TRAF3IP2: variants seen among roughly 807,000 people sequenced by gnomAD.
The protein encoded by TRAF3IP2 is E3 ubiquitin ligase TRAF3IP2.
Under a neutral mutation model 57.9 loss-of-function variants are expected in TRAF3IP2, and 35 were observed. The ratio of observed to expected loss-of-function variants is 0.60; its 90% CI spans 0.46 to 0.80. The LOEUF (loss-of-function observed/expected upper bound fraction) is 0.80, where lower values mean the gene tolerates loss of function less well. Among genes scored for constraint, TRAF3IP2 ranks in the 30% least tolerant of loss-of-function variants. TRAF3IP2 has a pLI of 0.00. For missense variants in TRAF3IP2, 556 were observed against 706.4 expected, an observed-to-expected ratio of 0.79 and a Z score of 2.41; for synonymous variants, 251 against 268.9, an observed-to-expected ratio of 0.93 and a Z score of 0.65.
At chr6:111,602,305 G>GT (rs146432308) in intron 1 of TRAF3IP2, 30,834 of 142,642 alleles carry the variant, frequency 0.22, 3,327 homozygotes, top group Middle Eastern at 0.31. Flanking sequence ...ACCAGCCCAT[G>GT]TTTTTTTTTT....
At chr6:111,567,044 C>T in intron 6 of TRAF3IP2, 1 of 331,216 alleles carries the variant, frequency 3.0e-6, no homozygotes, top group Non-Finnish European at 4.5e-6. Flanking sequence ...AGGAAAAGTG[C>T]AACACCCCAG....
At chr6:111,567,063 G>A (rs1414420145) in intron 6 of TRAF3IP2, 1 of 468,622 alleles carries the variant, frequency 2.1e-6, no homozygotes, top group Non-Finnish European at 2.8e-6. Context: ...AGCCTGCTGA[G>A]ACTCCCGTCC....
At chr6:111,561,740 T>C (rs931114167) in intron 8 of TRAF3IP2, among the ~76,000 whole-genome samples, 2 of 152,110 alleles carry the variant, frequency 1.3e-5, no homozygotes, top group South Asian at 2.1e-4. Context: ...TTGTAGTCAA[T>C]GGGAAAACGG....
intron 3 of TRAF3IP2, among the ~76,000 whole-genome samples, chr6:111,579,703 G>A (rs1345095837): frequency 6.6e-6 from 1 of 152,202 alleles, no homozygotes; most frequent in Non-Finnish European, 1.5e-5. Flanking sequence ...CTGCACTCCA[G>A]CCTGGGTGAC....
chr6:111,603,459 T>C (rs918202730), intron 1 of TRAF3IP2, among the ~76,000 whole-genome samples: 2 of 152,246 alleles, frequency 1.3e-5, no homozygotes, highest in Non-Finnish European at 2.9e-5. Context: ...CTTTTTTTTC[T>C]GCAGCAGTTG....
intron 1 of TRAF3IP2, chr6:111,597,876 C>A (rs766847191): frequency 4.4e-6 from 2 of 455,848 alleles, no homozygotes; most frequent in African/African-American, 2.0e-5. Flanking sequence ...TCTGGCATGA[C>A]CTTTGCTCCA....
Position 111,559,405 on chromosome 6 carries a change from T to C in TRAF3IP2, c.1698A>G (p.Ter566TrpextTer8). 6.2e-7 allele frequency: 1 copy of C among 1,613,072 alleles called. No individual in the cohort carries two copies. The highest frequency in any genetic ancestry group is 2.2e-5 in the East Asian group (1 of 44,886). Residue 566 changes from the stop codon to tryptophan (W), a stop_lost, in exon 9 of 9, where the codon TGA becomes TGG. Transcript: ENST00000368761. ...PLPTLQVVPL[*>W] ...CTCAGTGATCTGGGGATGAACGGTG[T>C]CACAAGGGAACCACCTGAAGGGTGG...
intron 5 of TRAF3IP2, among the ~76,000 whole-genome samples, chr6:111,570,677 T>C (rs1331562956): frequency 6.6e-6 from 1 of 152,226 alleles, no homozygotes; most frequent in Non-Finnish European, 1.5e-5. Context: ...AATCAGTATG[T>C]GTCTTTGGAA....
chr6:111,575,081 G>A (rs1184433979), intron 4 of TRAF3IP2, among the ~76,000 whole-genome samples: 1 of 151,916 alleles, frequency 6.6e-6, no homozygotes, highest in Admixed American at 6.6e-5. Flanking sequence ...CAAATTAGCT[G>A]GTTGTGGTGG....
rs530710785 is a variant in TRAF3IP2, at chr6:111,566,881, C to T, written c.1360-321G>A. 2.2e-4 allele frequency: 85 copies of T among 385,548 alleles called. 1 individual carries two copies. Among genetic ancestry groups the T allele is most frequent in the Middle Eastern group, 1.7e-3 (2 of 1,186 alleles). The allele number at this position is 385,548 out of a possible 1,614,324, so 23.9% of individuals were successfully genotyped here. Reference sequence around the variant, plus strand: ...TCTGTGTCGTGGCAAAAAGGCACTGCAACACCAACAGTAAGAAGCACCCTC... The same window carrying T: ...TCTGTGTCGTGGCAAAAAGGCACTGTAACACCAACAGTAAGAAGCACCCTC... On this transcript the variant is annotated intron_variant, in intron 6 of 8. Transcript: ENST00000368761.
At chr6:111,594,253 C>G (rs1796613029) in intron 1 of TRAF3IP2, among the ~76,000 whole-genome samples, 1 of 151,504 alleles carries the variant, frequency 6.6e-6, no homozygotes, top group South Asian at 2.1e-4. Context: ...AATATTTTTT[C>G]AAGGCCTGGC....
At chr6:111,566,629 C>T in intron 6 of TRAF3IP2, 69 bp from the exon 7 acceptor site, 1 of 1,369,298 alleles carries the variant, frequency 7.3e-7, no homozygotes, top group Non-Finnish European at 1.0e-6. Context: ...TTCTCTGACA[C>T]ACGGGGTGGA....
intron 1 of TRAF3IP2, among the ~76,000 whole-genome samples, chr6:111,595,704 TG>T: frequency 6.6e-6 from 1 of 152,094 alleles, no homozygotes; most frequent in South Asian, 2.1e-4. Flanking sequence ...GGCAGGCACC[TG>T]TAATCCCAGC....
chr6:111,572,948 T>A lies in TRAF3IP2; in HGVS notation c.1237A>T (p.Met413Leu), dbSNP rs774838745. The change falls in exon 5 of 9, where the codon ATG becomes TTG. Residue 413 changes from methionine (M) to leucine (L), a missense_variant. Physicochemically the swap from Met to Leu is conservative, Grantham distance 15. Coordinates refer to ENST00000368761, the MANE Select transcript of TRAF3IP2 (RefSeq NM_147686.4). ...VFITYSMDTA[M>L]EVVKFVNFLL... ...AAGTTCACGAATTTCACCACCTCCA[T>A]AGCTGTGTCCATCGAATAAGTGATA... 2 of 1,614,016 alleles carry A rather than the reference T, an allele frequency of 1.2e-6. No individual in the cohort carries two copies. Among genetic ancestry groups the A allele is most frequent in the African/African-American group, 2.7e-5 (2 of 74,948 alleles).
intron 2 of TRAF3IP2, among the ~76,000 whole-genome samples, chr6:111,588,802 A>G (rs1321176728): frequency 6.6e-6 from 1 of 152,264 alleles, no homozygotes; most frequent in East Asian, 1.9e-4. Context: ...GAATAGGTTC[A>G]TAACAATTTG....
At chr6:111,571,360 G>A (rs1394562743) in intron 5 of TRAF3IP2, among the ~76,000 whole-genome samples, 2 of 152,084 alleles carry the variant, frequency 1.3e-5, no homozygotes, top group African/African-American at 4.8e-5. Flanking sequence ...TTACAGGTGT[G>A]AGCCACTGCG....
intron 7 of TRAF3IP2, among the ~76,000 whole-genome samples, chr6:111,566,114 G>A (rs549263519): frequency 4.6e-5 from 7 of 152,078 alleles, no homozygotes; most frequent in African/African-American, 1.2e-4. Flanking sequence ...TCACCACCCC[G>A]TCTCCTGCCT....
rs1359195547 is a variant in TRAF3IP2 at position 111,557,445 on chromosome 6, T to G, written c.*1960A>C. The G allele has an allele frequency of 6.7e-6, 1 of 149,106 alleles. No individual in the cohort carries two copies. Among genetic ancestry groups the G allele is most frequent in the Non-Finnish European group, 1.5e-5 (1 of 67,360 alleles). 9.2% of individuals were successfully genotyped at this position (149,106 alleles called of 1,614,324 possible). On this transcript the variant is annotated 3_prime_UTR_variant, in exon 9 of 9. Coordinates refer to ENST00000368761, the MANE Select transcript of TRAF3IP2 (RefSeq NM_147686.4). The stretch of plus-strand genomic sequence containing the variant: ...TGAAGTTTTTTTTTTTTTTTTTTTT[T>G]TTGAGACGGAGTCTCACTCTATTGC...
At chr6:111,569,519 A>AT (rs976411155) in intron 5 of TRAF3IP2, among the ~76,000 whole-genome samples, 11 of 152,072 alleles carry the variant, frequency 7.2e-5, no homozygotes, top group African/African-American at 2.7e-4. Context: ...TGGGAGGCTG[A>AT]GGGGGGCAGA....
Sources: allele counts gnomAD v4.1 joint callset (sites outside exome capture counted in the v4.1 genomes callset), GRCh38; gene constraint gnomAD v4.1.1; transcripts MANE v1.5; gene names NCBI Gene and HGNC (gene_info 2026-07-23, HGNC 2026-07-21).